Variants in KCTD3 observed in about 807,000 individuals in gnomAD.
The protein encoded by KCTD3 is BTB/POZ domain-containing protein KCTD3.
KCTD3 carries 41 observed loss-of-function variants against 85.8 expected under a neutral mutation model. The observed-to-expected ratio is 0.48, with a 90% confidence interval of 0.37 to 0.62. The LOEUF (loss-of-function observed/expected upper bound fraction) is 0.62. KCTD3 is among the 20% of genes least tolerant of loss of function. The probability of loss-of-function intolerance (pLI) is 0.00; values close to 1 mark genes in which losing one functional copy is unlikely to be tolerated. For synonymous variants in KCTD3, 338 were observed against 345.4 expected (o/e 0.98, Z 0.24); for missense variants, 724 against 989.9 (o/e 0.73, Z 3.60).
chr1:215,595,438 G>A lies in KCTD3; in HGVS notation c.900G>A (p.Val300=), dbSNP rs977263457. 6.2e-7 allele frequency: 1 copy of A among 1,613,252 alleles called. No individual in the cohort carries two copies. The highest frequency in any genetic ancestry group is 8.5e-7 in the Non-Finnish European group (1 of 1,179,260). The change falls in exon 10 of 18, where the codon GTG becomes GTA. Residue 300 remains valine (V), a synonymous_variant. Transcript: ENST00000259154. ...TGGCCACGAGTCATACAGGGAAAGT[G>A]GGAGTGTGGAATGCTGTCACTCAGC... is the stretch of plus-strand genomic sequence containing the variant. ...QLVATSHTGK[V]GVWNAVTQHW...
At chr1:215,585,712 G>T (rs536644027) in intron 8 of KCTD3, among the ~76,000 whole-genome samples, 1 of 152,164 alleles carries the variant, frequency 6.6e-6, no homozygotes, top group African/African-American at 2.4e-5. Flanking sequence ...ACATATAATC[G>T]CATAGAAAAC....
chr1:215,588,636 A>C (rs1278445624), intron 9 of KCTD3, among the ~76,000 whole-genome samples: 13 of 152,146 alleles, frequency 8.5e-5, no homozygotes, highest in African/African-American at 3.1e-4. Flanking sequence ...AGTTTTCAAC[A>C]CTTTGACTAT....
At chr1:215,608,300 C>T in intron 14 of KCTD3, 128 bp downstream of exon 14, 10 of 577,664 alleles carry the variant, frequency 1.7e-5, no homozygotes, top group Non-Finnish European at 1.1e-5. Flanking sequence ...AAATTCTAAA[C>T]AGAATTTTAG....
chr1:215,601,981 C>G (rs200851957), intron 11 of KCTD3, 27 bp downstream of exon 11: 7 of 1,454,846 alleles, frequency 4.8e-6, no homozygotes, highest in Non-Finnish European at 6.7e-6. Flanking sequence ...TTAAAATGCT[C>G]CTGCTTAATG....
chr1:215,593,637 A>T (rs1251174415), intron 9 of KCTD3, among the ~76,000 whole-genome samples: 1 of 152,106 alleles, frequency 6.6e-6, no homozygotes, highest in African/African-American at 2.4e-5. Context: ...TCAAGGTTTC[A>T]TGCATTTTTT....
Position 215,619,039 on chromosome 1 carries a change from T to G in KCTD3, c.1716T>G (p.Ala572=), listed in dbSNP as rs762086679. 6.2e-7 allele frequency: 1 copy of G among 1,613,290 alleles called. No homozygotes were observed. Among genetic ancestry groups the G allele is most frequent in the South Asian group, 1.1e-5 (1 of 90,778 alleles). The change falls in exon 16 of 18, where the codon GCT becomes GCG. Residue 572 remains alanine, a synonymous_variant. Transcript: ENST00000259154. ...GSIQMWDLTT[A]MDMVNKSEDK... is the part of the protein sequence containing the mutation. Reference sequence around the variant, plus strand: ...TTCAAATGTGGGATCTGACCACTGCTATGGATATGGTTAACAAAAGTGAAG... The same window carrying G: ...TTCAAATGTGGGATCTGACCACTGCGATGGATATGGTTAACAAAAGTGAAG...
intron 15 of KCTD3, among the ~76,000 whole-genome samples, chr1:215,614,854 GA>G (rs1006627949): frequency 1.3e-5 from 2 of 152,110 alleles, no homozygotes; most frequent in African/African-American, 4.8e-5. Context: ...TCTTTGAGAT[GA>G]ATTTTTTACA....
At position 215,567,562 on chromosome 1, in the gene KCTD3, C is replaced by T; in HGVS notation, c.-124C>T. The T allele has an allele frequency of 4.7e-6, 2 of 421,542 alleles. No homozygotes were observed. Among genetic ancestry groups the T allele is most frequent in the Non-Finnish European group, 7.4e-6 (2 of 269,092 alleles). 26.1% of individuals were successfully genotyped at this position (421,542 alleles called of 1,614,324 possible). On this transcript the variant is annotated 5_prime_UTR_variant, in exon 1 of 18. Transcript: ENST00000259154. Reference sequence around the variant, plus strand: ...AGGTGGGGGAAGCCCCGTGCACCCCCCGCCCTCCGGCCGCCGCCGCCCCGC... The same window carrying T: ...AGGTGGGGGAAGCCCCGTGCACCCCTCGCCCTCCGGCCGCCGCCGCCCCGC...
intron 8 of KCTD3, among the ~76,000 whole-genome samples, 196 bp downstream of exon 8, chr1:215,580,195 A>T (rs973399586): frequency 6.6e-6 from 1 of 152,156 alleles, no homozygotes; most frequent in African/African-American, 2.4e-5. Flanking sequence ...AATGTTTCTG[A>T]TAGCCTTTAT....
chr1:215,614,310 C>T (rs918744115), intron 15 of KCTD3, among the ~76,000 whole-genome samples: 4 of 151,990 alleles, frequency 2.6e-5, no homozygotes, highest in East Asian at 1.9e-4. Flanking sequence ...GGATTACAGG[C>T]GTGAGCCACT....
In KCTD3 at chr1:215,579,065, A is replaced by T. The variant is rs773195286; in HGVS notation, c.463A>T (p.Thr155Ser). 6.3e-7 allele frequency: 1 copy of T among 1,595,326 alleles called. No homozygotes were observed. Among genetic ancestry groups the T allele is most frequent in the East Asian group, 2.3e-5 (1 of 44,142 alleles). Residue 155 changes from threonine to serine, a missense_variant, in exon 7 of 18, where the codon ACA becomes TCA. Around this residue, in one of 6 missense-constraint regions of KCTD3, gnomAD observed 106 missense variants for 98.2 expected, o/e 1.08. Coordinates refer to ENST00000259154, the MANE Select transcript of KCTD3 (RefSeq NM_016121.5). ...SADSRNGLNS[T>S]EGEARGNGTQ... ...TGATTCTAGGAATGGTCTAAATTCT[A>T]CAGAAGGTGAAGCCCGGGGAAATGG...
intron 1 of KCTD3, among the ~76,000 whole-genome samples, chr1:215,571,618 G>A (rs1659370769): frequency 6.6e-6 from 1 of 151,956 alleles, no homozygotes; most frequent in African/African-American, 2.4e-5. Flanking sequence ...GTGGGAAGAA[G>A]TGGAGATAAA....
At chr1:215,600,137 A>C (rs988870735) in intron 10 of KCTD3, among the ~76,000 whole-genome samples, 1 of 152,132 alleles carries the variant, frequency 6.6e-6, no homozygotes. Context: ...TCCTGGTATA[A>C]AATGTTTTGG....
intron 10 of KCTD3, among the ~76,000 whole-genome samples, chr1:215,599,451 A>G (rs1283830992): frequency 6.6e-6 from 1 of 152,210 alleles, no homozygotes; most frequent in Non-Finnish European, 1.5e-5. Flanking sequence ...ATAGACTGGT[A>G]TTTTAAAACT....
At chr1:215,574,178 A>C in intron 3 of KCTD3, 60 bp downstream of exon 3, 1 of 942,030 alleles carries the variant, frequency 1.1e-6, no homozygotes, top group Non-Finnish European at 1.6e-6. Flanking sequence ...CTTGGTCCTA[A>C]CATATAGTTA....
At chr1:215,598,810 A>C (rs879260321) in intron 10 of KCTD3, among the ~76,000 whole-genome samples, 1 of 152,182 alleles carries the variant, frequency 6.6e-6, no homozygotes, top group Non-Finnish European at 1.5e-5. Flanking sequence ...CAAGAGTGAG[A>C]TAGAAAATAT....
intron 10 of KCTD3, among the ~76,000 whole-genome samples, chr1:215,596,575 C>T (rs1051238261): frequency 2.0e-5 from 3 of 151,858 alleles, no homozygotes; most frequent in Non-Finnish European, 4.4e-5. Flanking sequence ...TTAATTTTGG[C>T]AGTAGATATC....
At chr1:215,602,242 CT>C in intron 12 of KCTD3, 41 bp downstream of exon 12, 3 of 1,004,398 alleles carry the variant, frequency 3.0e-6, no homozygotes, top group South Asian at 1.5e-5. Context: ...GACTTTTTAT[CT>C]TTTTATTCAT....
In KCTD3 at chr1:215,579,137, G is replaced by C. The variant is rs754944208; in HGVS notation, c.535G>C (p.Gly179Arg). Residue 179 changes from glycine to arginine, a missense_variant and splice_region_variant, in exon 7 of 18, where the codon GGA becomes CGA. By Grantham distance (125) the Gly-to-Arg change is moderately radical. This residue lies in a region of KCTD3 where 106 missense variants were observed against 98.2 expected (regional missense o/e 1.08). Coordinates refer to ENST00000259154, the MANE Select transcript of KCTD3 (RefSeq NM_016121.5). ...AACGGGAGAAGAAACTGTTAGGCTA[G>C]GTAAGCAAAGATTACAGAAATAGAA... ...SGTGEETVRL[G>R]FPVDPRKVLI... is the part of the protein sequence containing the mutation. 13 of 1,609,098 alleles carry C rather than the reference G, an allele frequency of 8.1e-6. No individual in the cohort carries two copies. Among genetic ancestry groups the C allele is most frequent in the Non-Finnish European group, 8.5e-7 (1 of 1,177,628 alleles).
Sources: gnomAD v4.1 joint callset for allele counts (sites outside exome capture counted in the v4.1 genomes callset) on GRCh38, gnomAD v4.1.1 for gene constraint, gnomAD v4.1.1 regional missense constraint, MANE v1.5 for transcripts, NCBI Gene and HGNC (gene_info 2026-07-23, HGNC 2026-07-21) for gene names.